Variants in TTLL12 observed in about 807,000 individuals in gnomAD.
TTLL12 encodes the protein tubulin tyrosine ligase like 12, also known as tubulin--tyrosine ligase-like protein 12.
TTLL12 carries 77 observed loss-of-function variants against 79.6 expected under a neutral mutation model. The ratio of observed to expected loss-of-function variants is 0.97; its 90% CI spans 0.81 to 1.17. TTLL12 has a LOEUF of 1.17. TTLL12 is among the 50% of genes most tolerant of loss of function. The pLI, the probability that TTLL12 is intolerant of heterozygous loss-of-function variation, is 0.00. For synonymous variants in TTLL12, 437 were observed against 376.1 expected (o/e 1.16, Z -1.87); for missense variants, 969 against 895.9 (o/e 1.08, Z -1.04).
chr22:43,167,013 C>G lies in TTLL12; in HGVS notation c.*995G>C, dbSNP rs1028437010. 1.2e-5 allele frequency: 4 copies of G among 332,690 alleles called. No homozygotes were observed. The highest frequency in any genetic ancestry group is 1.1e-3 in the Middle Eastern group (1 of 940). 20.6% of individuals were successfully genotyped at this position (332,690 alleles called of 1,614,324 possible). On this transcript the variant is annotated 3_prime_UTR_variant, in exon 14 of 14. Coordinates refer to ENST00000216129, the MANE Select transcript of TTLL12 (RefSeq NM_015140.4). ...CACACAAAAACGCTGGCAGCTGACT[C>G]CTAATTTCAGAAACACAATTAGAAA...
At chr22:43,169,704 T>G in intron 11 of TTLL12, 136 bp from the exon 12 acceptor site, 1 of 829,180 alleles carries the variant, frequency 1.2e-6, no homozygotes, top group Non-Finnish European at 2.0e-6. Flanking sequence ...CCCCGAACCC[T>G]CAGGGTCCAA....
rs1569482735 is a variant in TTLL12 at position 43,167,864 on chromosome 22, G to A, written c.*144C>T. 3 of 1,048,446 alleles carry A rather than the reference G, an allele frequency of 2.9e-6. No individual in the cohort carries two copies. The highest frequency in any genetic ancestry group is 3.2e-5 in the African/African-American group (2 of 62,482). The allele number at this position is 1,048,446 out of a possible 1,614,324, so 64.9% of individuals were successfully genotyped here. A position where few individuals can be genotyped will look rare whatever the true frequency, so the allele number is the denominator to read the frequency against. On this transcript the variant is annotated 3_prime_UTR_variant, in exon 14 of 14. Coordinates refer to ENST00000216129, the MANE Select transcript of TTLL12 (RefSeq NM_015140.4). ...GTGCTCCCGGAGTGTGGCGCCGGGA[G>A]GATGGCTCGGCAGGACAGAGGCCTG...
Position 43,176,491 on chromosome 22 carries a change from A to G in TTLL12, c.841-95T>C, listed in dbSNP as rs550611873. The G allele has an allele frequency of 3.0e-6, 3 of 995,146 alleles. No individual in the cohort carries two copies. In the South Asian group the frequency reaches 4.1e-5, roughly 14 times the overall value. 61.6% of individuals were successfully genotyped at this position (995,146 alleles called of 1,614,324 possible). ...ATGTCCATAATCCCAGCACTTTGAG[A>G]GGGTGAGGCAGGTGGATCACGTGAT... On this transcript the variant is annotated intron_variant, in intron 5 of 13. Coordinates refer to ENST00000216129, the MANE Select transcript of TTLL12 (RefSeq NM_015140.4).
intron 8 of TTLL12, 30 bp from the exon 9 acceptor site, chr22:43,173,856 G>C: frequency 6.3e-7 from 1 of 1,579,104 alleles, no homozygotes; most frequent in African/African-American, 1.3e-5. Context: ...TCTGGGGGGC[G>C]CCTGGGGCCT....
intron 1 of TTLL12, among the ~76,000 whole-genome samples, chr22:43,183,915 C>T (rs1158781316): frequency 6.6e-6 from 1 of 152,268 alleles, no homozygotes; most frequent in Non-Finnish European, 1.5e-5. Context: ...TGACCTTGAA[C>T]AAGTTACTTA....
intron 9 of TTLL12, among the ~76,000 whole-genome samples, chr22:43,173,132 T>C (rs974848509): frequency 6.6e-6 from 1 of 152,254 alleles, no homozygotes; most frequent in African/African-American, 2.4e-5. Context: ...CCTCTGACTA[T>C]GTACACAGTC....
chr22:43,173,563 T>C (rs981790265), intron 9 of TTLL12, 152 bp downstream of exon 9: 2 of 663,660 alleles, frequency 3.0e-6, no homozygotes, highest in African/African-American at 1.8e-5. Flanking sequence ...GTGATCCTCC[T>C]CCACTTCCCA....
At chr22:43,176,459 G>A (rs906524137) in intron 5 of TTLL12, 63 bp from the exon 6 acceptor site, 280 of 1,361,742 alleles carry the variant, frequency 2.1e-4, no homozygotes, top group Middle Eastern at 5.3e-4. Flanking sequence ...GCCGGCCGTG[G>A]TGGCTCATGT....
intron 5 of TTLL12, among the ~76,000 whole-genome samples, chr22:43,176,983 G>A (rs1363849582): frequency 6.6e-6 from 1 of 152,126 alleles, no homozygotes; most frequent in Admixed American, 6.5e-5. Flanking sequence ...AATCGCAGGG[G>A]GCGAGAAGGT....
Position 43,167,104 on chromosome 22 carries a change from T to C in TTLL12, c.*904A>G. 1 of 483,984 alleles carries C rather than the reference T, an allele frequency of 2.1e-6. No individual in the cohort carries two copies. The highest frequency in any genetic ancestry group is 4.3e-6 in the Non-Finnish European group (1 of 233,698). 30.0% of individuals were successfully genotyped at this position (483,984 alleles called of 1,614,324 possible). Reference sequence around the variant, plus strand: ...TAAGAAAAAGCCAACATTTTGACTGTAGACCCTGGTAGGTGGCATCTGACT... The same window carrying C: ...TAAGAAAAAGCCAACATTTTGACTGCAGACCCTGGTAGGTGGCATCTGACT... On this transcript the variant is annotated 3_prime_UTR_variant, in exon 14 of 14. Coordinates refer to ENST00000216129, the MANE Select transcript of TTLL12 (RefSeq NM_015140.4).
At chr22:43,179,555 G>A in intron 5 of TTLL12, 64 bp downstream of exon 5, 2 of 1,496,944 alleles carry the variant, frequency 1.3e-6, no homozygotes, top group Non-Finnish European at 1.8e-6. Context: ...CATTTGGTGT[G>A]TGCACAGAGA....
At chr22:43,184,823 G>A (rs185047856) in intron 1 of TTLL12, among the ~76,000 whole-genome samples, 32 of 152,336 alleles carry the variant, frequency 2.1e-4, no homozygotes, top group Middle Eastern at 3.4e-3. Flanking sequence ...GGGGTGCTGG[G>A]TTTCTCCTTC....
intron 6 of TTLL12, 121 bp from the exon 7 acceptor site, chr22:43,174,736 C>T: frequency 1.4e-6 from 1 of 733,098 alleles, no homozygotes; most frequent in Non-Finnish European, 2.2e-6. Flanking sequence ...GAGGCAAGTC[C>T]TGGGTTCGAG....
chr22:43,186,508 G>A (rs1289137159), intron 1 of TTLL12, among the ~76,000 whole-genome samples: 2 of 152,196 alleles, frequency 1.3e-5, no homozygotes, highest in African/African-American at 4.8e-5. Context: ...AATTCACGGG[G>A]TTCCCGTTGT....
chr22:43,174,420 G>C lies in TTLL12; in HGVS notation c.1035-17C>G. On this transcript the variant is annotated splice_polypyrimidine_tract_variant and intron_variant, in intron 7 of 13. Coordinates refer to ENST00000216129, the MANE Select transcript of TTLL12 (RefSeq NM_015140.4). Reference sequence around the variant, plus strand: ...CTGAGTTTCCTGCAGGGCGGAGGCAGGTGCGCCAGCTCAAGGGGAGGCCGG... The same window carrying C: ...CTGAGTTTCCTGCAGGGCGGAGGCACGTGCGCCAGCTCAAGGGGAGGCCGG... 1.3e-6 allele frequency: 2 copies of C among 1,559,720 alleles called. No individual in the cohort carries two copies. The highest frequency in any genetic ancestry group is 1.7e-6 in the Non-Finnish European group (2 of 1,148,496).
rs1399425324 is a variant in TTLL12, at chr22:43,173,746, C to T, written c.1310G>A (p.Ser437Asn). The T allele has an allele frequency of 1.3e-5, 21 of 1,604,010 alleles. No homozygotes were observed. Among genetic ancestry groups the T allele is most frequent in the Non-Finnish European group, 1.8e-5 (21 of 1,179,924 alleles). Residue 437 changes from serine (S) to asparagine (N), a missense_variant, in exon 9 of 14, where the codon AGC becomes AAC. Coordinates refer to ENST00000216129, the MANE Select transcript of TTLL12 (RefSeq NM_015140.4). ...LDTHVTKSLH[S>N]IIRHRESTPK... ...GGTGCTCTCTCGGTGCCGGATGATG[C>T]TGTGCAGGCTCTTGGTGACGTGGGT...
At chr22:43,184,945 T>C (rs983648575) in intron 1 of TTLL12, among the ~76,000 whole-genome samples, 2 of 152,058 alleles carry the variant, frequency 1.3e-5, no homozygotes, top group Non-Finnish European at 1.5e-5. Context: ...AAAACATCTC[T>C]TCGGCCGGCC....
chr22:43,186,963 C>A lies in TTLL12; in HGVS notation c.107G>T (p.Gly36Val). Residue 36 changes from glycine (G) to valine (V), a missense_variant, in exon 1 of 14, where the codon GGC (glycine) becomes GTC (valine). Transcript: ENST00000216129. ...QALAEFAALH[G>V]PALRASGVPE... The stretch of plus-strand genomic sequence containing the variant: ...GACCCCCGAAGCGCGCAGCGCCGGG[C>A]CGTGCAGCGCCGCGAACTCGGCCAA... 2 of 1,324,822 alleles carry A rather than the reference C, an allele frequency of 1.5e-6. No homozygotes were observed. The highest frequency in any genetic ancestry group is 1.9e-5 in the South Asian group (1 of 53,948). The allele number at this position is 1,324,822 out of a possible 1,614,324, so 82.1% of individuals were successfully genotyped here.
In TTLL12 at chr22:43,176,310, G is replaced by GT. The variant is rs759379895; in HGVS notation, c.917+9_917+10insA. 1 of 1,579,172 alleles carries GT rather than the reference G, an allele frequency of 6.3e-7. No homozygotes were observed. The highest frequency in any genetic ancestry group is 8.6e-7 in the Non-Finnish European group (1 of 1,160,488). ...AGTCCCAGCCCAAGCAGTGGGGGGG[G>GT]GCTACGCACTTGAAGATGTGGCCGT... On this transcript the variant is annotated intron_variant, in intron 6 of 13. Transcript: ENST00000216129.
Sources: gnomAD v4.1 joint callset for allele counts (sites outside exome capture counted in the v4.1 genomes callset) on GRCh38, gnomAD v4.1.1 for gene constraint, MANE v1.5 for transcripts, NCBI Gene and HGNC (gene_info 2026-07-23, HGNC 2026-07-21) for gene names.